PCSK2: variants seen among roughly 807,000 people sequenced by gnomAD.
The protein encoded by PCSK2 is proprotein convertase subtilisin/kexin type 2, also known as neuroendocrine convertase 2.
PCSK2 carries 14 observed loss-of-function variants against 69.7 expected under a neutral mutation model. The observed-to-expected ratio is 0.20, with a 90% CI of 0.13 to 0.31. The LOEUF (loss-of-function observed/expected upper bound fraction) is 0.31. Ranked by LOEUF, PCSK2 falls within the 10% of genes least tolerant of loss-of-function variation. The pLI is 1.00. For missense variants in PCSK2, 544 were observed against 842.5 expected (o/e 0.65, Z 4.39); for synonymous variants, 307 against 320.7 (o/e 0.96, Z 0.46).
chr20:17,412,236 C>A (rs1434484632), intron 6 of PCSK2, among the ~76,000 whole-genome samples: 1 of 152,128 alleles, frequency 6.6e-6, no homozygotes, highest in Non-Finnish European at 1.5e-5. Context: ...CTTGTCCAAG[C>A]TAAAGGAGCA....
chr20:17,460,501 T>G (rs777268335), intron 10 of PCSK2, among the ~76,000 whole-genome samples: 5 of 152,172 alleles, frequency 3.3e-5, no homozygotes, highest in Non-Finnish European at 7.3e-5. Context: ...AAGATAGATA[T>G]GGAGGGAAAT....
At chr20:17,310,779 C>T (rs961207261) in intron 2 of PCSK2, among the ~76,000 whole-genome samples, 1 of 151,056 alleles carries the variant, frequency 6.6e-6, no homozygotes, top group Admixed American at 6.6e-5. Flanking sequence ...ATCACGAGGT[C>T]GGGAGTTCAA....
intron 5 of PCSK2, among the ~76,000 whole-genome samples, chr20:17,402,387 C>A (rs1021094501): frequency 6.6e-6 from 1 of 152,170 alleles, no homozygotes; most frequent in Non-Finnish European, 1.5e-5. Flanking sequence ...AAATACTGGC[C>A]AGGCACAGAG....
At chr20:17,313,749 G>T (rs1488401375) in intron 2 of PCSK2, among the ~76,000 whole-genome samples, 1 of 152,140 alleles carries the variant, frequency 6.6e-6, no homozygotes, top group Non-Finnish European at 1.5e-5. Flanking sequence ...GTCAACTCTT[G>T]CTAATGGAAG....
At chr20:17,282,923 T>C (rs1309014194) in intron 2 of PCSK2, among the ~76,000 whole-genome samples, 1 of 152,214 alleles carries the variant, frequency 6.6e-6, no homozygotes. Flanking sequence ...TATTTCTCTA[T>C]GTTCTAGGGT....
At position 17,437,170 on chromosome 20, in the gene PCSK2, C is replaced by T. The variant is rs541584030; in HGVS notation, c.885+287C>T. Among the ~76,000 whole-genome samples, 19 of 152,298 alleles carry T rather than the reference C, an allele frequency of 1.2e-4. No individual in the cohort carries two copies. The East Asian group carries it at 1.7e-3, about 14-fold the overall frequency. Reference sequence around the variant, plus strand: ...GGAGGGTCTCAGACAGCAGTCCCCACGCCAAAGCTGCCCATCACAGACAGA... The same window carrying T: ...GGAGGGTCTCAGACAGCAGTCCCCATGCCAAAGCTGCCCATCACAGACAGA... On this transcript the variant is annotated intron_variant, in intron 8 of 11. Coordinates refer to ENST00000262545, the MANE Select transcript of PCSK2 (RefSeq NM_002594.5).
rs2030562020 is a variant in PCSK2, at chr20:17,365,573, A to G, written c.506-3667A>G. ...CTAAAGCCCAGAGTCTCATCTAAAT[A>G]TCATCTAAATCAGAGATGGGTGAAA... On this transcript the variant is annotated intron_variant, in intron 4 of 11. Transcript: ENST00000262545. 2.0e-5 allele frequency among the ~76,000 whole-genome samples: 3 copies of G among 152,196 alleles called. No homozygotes were observed. In the South Asian group the frequency reaches 6.2e-4, roughly 32 times the overall value.
At chr20:17,285,121 C>G (rs1395700165) in intron 2 of PCSK2, among the ~76,000 whole-genome samples, 2 of 152,144 alleles carry the variant, frequency 1.3e-5, no homozygotes, top group African/African-American at 4.8e-5. Context: ...ATTATTTACT[C>G]TTATTTATAA....
chr20:17,358,103 C>G (rs948082899), intron 2 of PCSK2, among the ~76,000 whole-genome samples: 1 of 151,058 alleles, frequency 6.6e-6, no homozygotes, highest in Non-Finnish European at 1.5e-5. Flanking sequence ...CTCGGGAGTT[C>G]GAGACCAGCC....
Position 17,227,251 on chromosome 20 carries a change from C to T in PCSK2, c.-55C>T, listed in dbSNP as rs1985952045. The T allele has an allele frequency of 1.1e-5, 15 of 1,339,264 alleles. No individual in the cohort carries two copies. The highest frequency in any genetic ancestry group is 3.4e-5 in the Admixed American group (2 of 58,714). The allele number at this position is 1,339,264 out of a possible 1,614,324, so 83.0% of individuals were successfully genotyped here. A position where few individuals can be genotyped will look rare whatever the true frequency, so the allele number is the denominator to read the frequency against. ...TTTATTTGCACCCTCCCTCCGAGTC[C>T]CCTGCTCCGCCAGCCTGCGCGCCTC... On this transcript the variant is annotated 5_prime_UTR_variant, in exon 1 of 12. Coordinates refer to ENST00000262545, the MANE Select transcript of PCSK2 (RefSeq NM_002594.5).
intron 2 of PCSK2, among the ~76,000 whole-genome samples, chr20:17,346,861 A>G (rs1990667100): frequency 6.6e-6 from 1 of 152,132 alleles, no homozygotes; most frequent in Non-Finnish European, 1.5e-5. Context: ...CAACCAATAT[A>G]GAAGCTGAGA....
intron 2 of PCSK2, among the ~76,000 whole-genome samples, chr20:17,296,617 T>A (rs1212821832): frequency 6.6e-6 from 1 of 152,216 alleles, no homozygotes; most frequent in African/African-American, 2.4e-5. Flanking sequence ...TTCAGCAGAA[T>A]TTTGATAGGG....
In PCSK2 at chr20:17,369,241, G is replaced by A; in HGVS notation, c.507G>A (p.Gly169=). Residue 169 remains glycine, a splice_region_variant and synonymous_variant, in exon 5 of 12, where the codon GGG becomes GGA. Coordinates refer to ENST00000262545, the MANE Select transcript of PCSK2 (RefSeq NM_002594.5). ...TGTGTTATTGTTGTCTTTTCACAGG[G>A]ATTGACTATCTCCACCCGGACCTGG... ...KGVTIGIMDD[G]IDYLHPDLAS... 1 of 1,613,696 alleles carries A rather than the reference G, an allele frequency of 6.2e-7. No individual in the cohort carries two copies. Among genetic ancestry groups the A allele is most frequent in the Non-Finnish European group, 8.5e-7 (1 of 1,179,696 alleles).
At position 17,405,492 on chromosome 20, in the gene PCSK2, T is replaced by C. The variant is rs140531303; in HGVS notation, c.544-3771T>C. On this transcript the variant is annotated intron_variant, in intron 5 of 11. Coordinates refer to ENST00000262545, the MANE Select transcript of PCSK2 (RefSeq NM_002594.5). ...CCTCTCTCATCACCAGCCATTCAGA[T>C]AGACAAGCCCCAAATCCGAAAGGTG... 2.9e-3 allele frequency among the ~76,000 whole-genome samples: 441 copies of C among 152,354 alleles called. 2 individuals carry two copies. Among genetic ancestry groups the C allele is most frequent in the African/African-American group, 0.01 (422 of 41,578 alleles).
intron 2 of PCSK2, among the ~76,000 whole-genome samples, chr20:17,353,757 G>A (rs2030094988): frequency 6.6e-6 from 1 of 152,146 alleles, no homozygotes; most frequent in South Asian, 2.1e-4. Flanking sequence ...ACCCATCAAA[G>A]GTGGACTGGA....
intron 5 of PCSK2, among the ~76,000 whole-genome samples, chr20:17,404,236 A>C (rs61082302): frequency 0.028 from 4,212 of 152,326 alleles, 199 homozygotes; most frequent in African/African-American, 0.097. Flanking sequence ...ACAATTTTGT[A>C]GTTGGACCAC....
At chr20:17,405,651 C>T (rs1427964313) in intron 5 of PCSK2, among the ~76,000 whole-genome samples, 1 of 152,240 alleles carries the variant, frequency 6.6e-6, no homozygotes. Context: ...GAAAAGTACA[C>T]ACTGCAAACA....
Position 17,436,838 on chromosome 20 carries a change from G to A in PCSK2, c.840G>A (p.Gly280=). The A allele has an allele frequency of 1.2e-6, 2 of 1,613,814 alleles. No individual in the cohort carries two copies. Among genetic ancestry groups the A allele is most frequent in the East Asian group, 2.2e-5 (1 of 44,884 alleles). The change falls in exon 8 of 12, where the codon GGG becomes GGA. Residue 280 remains glycine, a synonymous_variant. Coordinates refer to ENST00000262545, the MANE Select transcript of PCSK2 (RefSeq NM_002594.5). ...CAGACAACGGCAAGACAGTGGATGG[G>A]CCCCGGGAGCTCACGCTGCAGGCCA... ...GPTDNGKTVD[G]PRELTLQAMA... is the part of the protein sequence containing the mutation.
intron 5 of PCSK2, among the ~76,000 whole-genome samples, chr20:17,376,928 G>A (rs4814615): frequency 0.22 from 32,796 of 152,056 alleles, 4,021 homozygotes; most frequent in East Asian, 0.5. Flanking sequence ...CTCTATCGAC[G>A]ATGATCAGAA....
Sources: allele counts gnomAD v4.1 joint callset (sites outside exome capture counted in the v4.1 genomes callset), GRCh38; gene constraint gnomAD v4.1.1; transcripts MANE v1.5; gene names NCBI Gene and HGNC (gene_info 2026-07-23, HGNC 2026-07-21).